The following TMEM132D variants were observed in gnomAD, a reference collection of about 807,000 sequenced individuals.
The protein encoded by TMEM132D is mature OL transmembrane protein.
Under a neutral mutation model 62.3 loss-of-function variants are expected in TMEM132D, and 21 were observed. The observed-to-expected ratio is 0.34, with a 90% CI of 0.24 to 0.49. The LOEUF is 0.49. Ranked by LOEUF, TMEM132D falls within the 20% of genes least tolerant of loss-of-function variation. The probability of loss-of-function intolerance (pLI) is 0.99; values close to 1 mark genes in which losing one functional copy is unlikely to be tolerated. For synonymous variants in TMEM132D, 621 were observed against 575.6 expected (o/e 1.08, Z -1.13); for missense variants, 1,346 against 1,402.8 (o/e 0.96, Z 0.65).
chr12:129,481,084 A>C, intron 3 of TMEM132D, among the ~76,000 whole-genome samples: 1 of 152,178 alleles, frequency 6.6e-6, no homozygotes, highest in African/African-American at 2.4e-5. Context: ...GAAAAGGAGG[A>C]AACAGAACAA....
At chr12:129,456,543 C>T (rs1396000102) in intron 3 of TMEM132D, among the ~76,000 whole-genome samples, 3 of 152,152 alleles carry the variant, frequency 2.0e-5, no homozygotes, top group Non-Finnish European at 2.9e-5. Context: ...CTCCATGTGG[C>T]TCTCATGATG....
At chr12:129,706,999 T>C (rs1881521264) in intron 1 of TMEM132D, among the ~76,000 whole-genome samples, 1 of 150,812 alleles carries the variant, frequency 6.6e-6, no homozygotes, top group South Asian at 2.1e-4. Context: ...TTAAACGAAA[T>C]AAAATTGATC....
intron 3 of TMEM132D, among the ~76,000 whole-genome samples, chr12:129,384,957 ATGTG>A (rs1202479338): frequency 6.6e-6 from 1 of 152,170 alleles, no homozygotes; most frequent in African/African-American, 2.4e-5. Context: ...TGCAACAGAA[ATGTG>A]TGTTTACTCA....
chr12:129,479,356 A>G (rs1200704673), intron 3 of TMEM132D, among the ~76,000 whole-genome samples: 2 of 152,154 alleles, frequency 1.3e-5, no homozygotes, highest in Non-Finnish European at 2.9e-5. Flanking sequence ...TCCAGAAGAC[A>G]GAGAATCTTT....
chr12:129,587,621 A>C (rs1308115001), intron 2 of TMEM132D, among the ~76,000 whole-genome samples: 1 of 152,178 alleles, frequency 6.6e-6, no homozygotes, highest in East Asian at 1.9e-4. Context: ...GTACTTATGC[A>C]GATGCCTAGC....
chr12:129,434,311 A>G (rs1300508954), intron 3 of TMEM132D, among the ~76,000 whole-genome samples: 1 of 152,240 alleles, frequency 6.6e-6, no homozygotes, highest in African/African-American at 2.4e-5. Context: ...GGATGAGAAC[A>G]TGAAATTTGG....
At chr12:129,741,529 A>G (rs1869603428) in intron 1 of TMEM132D, among the ~76,000 whole-genome samples, 1 of 152,210 alleles carries the variant, frequency 6.6e-6, no homozygotes, top group African/African-American at 2.4e-5. Flanking sequence ...TCAATAGTAT[A>G]CTGAAGAATA....
chr12:129,622,100 C>T (rs891550579), intron 2 of TMEM132D, among the ~76,000 whole-genome samples: 12 of 152,278 alleles, frequency 7.9e-5, no homozygotes, highest in African/African-American at 2.9e-4. Context: ...ACTCTCTCTT[C>T]TCAGAGACAC....
chr12:129,612,927 A>G (rs1369966261), intron 2 of TMEM132D, among the ~76,000 whole-genome samples: 1 of 152,190 alleles, frequency 6.6e-6, no homozygotes, highest in Admixed American at 6.5e-5. Flanking sequence ...TGTCAATCTA[A>G]TATTTTAACA....
intron 2 of TMEM132D, among the ~76,000 whole-genome samples, chr12:129,656,824 T>G (rs1207066114): frequency 6.6e-6 from 1 of 152,220 alleles, no homozygotes; most frequent in Non-Finnish European, 1.5e-5. Context: ...ACTAAAAAAA[T>G]GTGGTCCAGA....
At chr12:129,624,280 T>C (rs1879155376) in intron 2 of TMEM132D, among the ~76,000 whole-genome samples, 1 of 152,250 alleles carries the variant, frequency 6.6e-6, no homozygotes, top group Admixed American at 6.5e-5. Flanking sequence ...CAAAAGCTTC[T>C]CTTTAAGAAT....
intron 3 of TMEM132D, among the ~76,000 whole-genome samples, chr12:129,346,363 T>TA (rs72524763): frequency 0.23 from 34,350 of 151,434 alleles, 4,264 homozygotes; most frequent in African/African-American, 0.32. Flanking sequence ...CAGTCTCTAT[T>TA]TGTTAATCTT....
chr12:129,681,906 G>A (rs974004377), intron 2 of TMEM132D, among the ~76,000 whole-genome samples: 3 of 152,140 alleles, frequency 2.0e-5, no homozygotes. Flanking sequence ...AGTCTTTGTT[G>A]ATGCTAATGT....
chr12:129,083,725 T>C (rs919237089), intron 6 of TMEM132D, among the ~76,000 whole-genome samples: 4 of 152,232 alleles, frequency 2.6e-5, no homozygotes, highest in African/African-American at 9.6e-5. Context: ...TGTCTCATAA[T>C]GCATATACTT....
chr12:129,531,253 C>A, intron 2 of TMEM132D, 48 bp from the exon 3 acceptor site: 1 of 1,546,742 alleles, frequency 6.5e-7, no homozygotes. Flanking sequence ...GGGGAATCCC[C>A]GGGTCATGCT....
intron 8 of TMEM132D, among the ~76,000 whole-genome samples, chr12:129,077,499 A>G (rs972673055): frequency 1.3e-5 from 2 of 151,984 alleles, no homozygotes; most frequent in African/African-American, 4.8e-5. Context: ...AAGGTCCCCT[A>G]TAACAGTCCC....
chr12:129,816,722 G>A (rs559379119), intron 1 of TMEM132D, among the ~76,000 whole-genome samples: 79 of 152,234 alleles, frequency 5.2e-4, no homozygotes, highest in Admixed American at 7.2e-4. Flanking sequence ...CGTGTGTCAC[G>A]GACTTATTGT....
intron 2 of TMEM132D, among the ~76,000 whole-genome samples, chr12:129,637,429 G>A (rs1220025907): frequency 2.6e-5 from 4 of 152,146 alleles, no homozygotes; most frequent in Non-Finnish European, 4.4e-5. Flanking sequence ...GGAGGTGACT[G>A]GATCATGGGA....
intron 4 of TMEM132D, among the ~76,000 whole-genome samples, chr12:129,268,836 C>A (rs993338112): frequency 2.0e-5 from 3 of 151,672 alleles, no homozygotes; most frequent in African/African-American, 7.3e-5. Flanking sequence ...TACTATGCAG[C>A]CATAAAAAAA....
Sources: gnomAD v4.1 joint callset for allele counts (sites outside exome capture counted in the v4.1 genomes callset) on GRCh38, gnomAD v4.1.1 for gene constraint, MANE v1.5 for transcripts, NCBI Gene and HGNC (gene_info 2026-07-23, HGNC 2026-07-21) for gene names.